The following RAMP1 variants were observed in gnomAD, a reference collection of about 807,000 sequenced individuals.
The protein encoded by RAMP1 is receptor activity-modifying protein 1.
RAMP1 carries 7 observed loss-of-function variants against 8.2 expected under a neutral mutation model. That is an observed-to-expected ratio of 0.85 (90% CI 0.49 to 1.60). RAMP1 has a LOEUF of 1.60. Among genes scored for constraint, RAMP1 ranks in the 40% most tolerant of loss-of-function variants. The pLI is 0.00. For synonymous variants in RAMP1, 92 were observed against 84.7 expected (o/e 1.09, Z -0.47); for missense variants, 192 against 202.4 (o/e 0.95, Z 0.31).
chr2:237,897,211 T>C (rs1385000553), intron 2 of RAMP1, among the ~76,000 whole-genome samples: 2 of 152,190 alleles, frequency 1.3e-5, no homozygotes, highest in African/African-American at 4.8e-5. Context: ...CCAGCTTCAC[T>C]TCAGGCCAGG....
intron 2 of RAMP1, among the ~76,000 whole-genome samples, chr2:237,908,250 A>G (rs2062671758): frequency 1.3e-5 from 2 of 152,084 alleles, no homozygotes; most frequent in Admixed American, 6.6e-5. Flanking sequence ...GGTTATGTTC[A>G]AGGCTTGGGG....
At chr2:237,883,780 G>A (rs2062397640) in intron 2 of RAMP1, among the ~76,000 whole-genome samples, 1 of 142,738 alleles carries the variant, frequency 7.0e-6, no homozygotes, top group African/African-American at 2.6e-5. Flanking sequence ...GGTACCACTT[G>A]CACTCCAGCC....
In RAMP1 at chr2:237,874,668, G is replaced by C. The variant is rs910449331; in HGVS notation, c.53-2556G>C. The C allele has an allele frequency of 3.2e-5, 32 of 985,230 alleles. No homozygotes were observed. In the South Asian group the frequency reaches 1.4e-3, roughly 42 times the overall value. The allele number at this position is 985,230 out of a possible 1,614,324, so 61.0% of individuals were successfully genotyped here. ...AGGCAGGATAGCCTGAGGCACGCTT[G>C]CTTCACTCCCAGGCAGAATGGCCAC... On this transcript the variant is annotated intron_variant, in intron 1 of 2. Coordinates refer to ENST00000254661, the MANE Select transcript of RAMP1 (RefSeq NM_005855.4).
At chr2:237,885,919 G>A (rs960953396) in intron 2 of RAMP1, among the ~76,000 whole-genome samples, 3 of 152,338 alleles carry the variant, frequency 2.0e-5, no homozygotes, top group South Asian at 4.1e-4. Flanking sequence ...GGCCAGCCCC[G>A]CGGGAGGCAG....
At position 237,862,551 on chromosome 2, in the gene RAMP1, C is replaced by T. The variant is rs1207432310; in HGVS notation, c.52+2824C>T. Among the ~76,000 whole-genome samples, 2 of 152,176 alleles carry T rather than the reference C, an allele frequency of 1.3e-5. No homozygotes were observed. The highest frequency in any genetic ancestry group is 2.1e-4 in the South Asian group (1 of 4,832). ...TGTCCTGATTTTTTTCCCCAGAATGCGCCCATTTCATAGCTTCTAATCAGT... is the reference window on the plus strand; with the variant it reads ...TGTCCTGATTTTTTTCCCCAGAATGTGCCCATTTCATAGCTTCTAATCAGT... On this transcript the variant is annotated intron_variant, in intron 1 of 2. Coordinates refer to ENST00000254661, the MANE Select transcript of RAMP1 (RefSeq NM_005855.4). This position sits in a 1 kb window ranked among gnomAD's most constrained non-coding sequence, Gnocchi z 4.0.
rs2062112154 is a variant in RAMP1 at position 237,859,637 on chromosome 2, C to A, written c.-39C>A. On this transcript the variant is annotated 5_prime_UTR_variant, in exon 1 of 3. Coordinates refer to ENST00000254661, the MANE Select transcript of RAMP1 (RefSeq NM_005855.4). The stretch of plus-strand genomic sequence containing the variant: ...GCGGCGGGCTCAGTCCTCAGCGGGG[C>A]GCGTGGCGAGCGGACTCGACTCGGC... 1.4e-6 allele frequency: 2 copies of A among 1,414,010 alleles called. No homozygotes were observed. The highest frequency in any genetic ancestry group is 3.0e-5 in the African/African-American group (2 of 67,118). 87.6% of individuals were successfully genotyped at this position (1,414,010 alleles called of 1,614,324 possible). A position where few individuals can be genotyped will look rare whatever the true frequency, so the allele number is the denominator to read the frequency against.
chr2:237,876,797 C>T (rs145748534), intron 1 of RAMP1, among the ~76,000 whole-genome samples: 56 of 152,272 alleles, frequency 3.7e-4, no homozygotes, highest in African/African-American at 1.3e-3. Context: ...TTTGTCAGCT[C>T]GGTTCATAGC....
intron 1 of RAMP1, among the ~76,000 whole-genome samples, chr2:237,870,670 G>A (rs1332152856): frequency 5.3e-5 from 8 of 152,236 alleles, no homozygotes; most frequent in Non-Finnish European, 1.2e-4. Flanking sequence ...GGTTGACAAT[G>A]TGTAGAGTTT....
chr2:237,886,925 C>T (rs942173024), intron 2 of RAMP1, among the ~76,000 whole-genome samples: 2 of 152,208 alleles, frequency 1.3e-5, no homozygotes, highest in Admixed American at 6.5e-5. Context: ...CATCCACCCC[C>T]GCCTCCCCTG....
Position 237,904,312 on chromosome 2 carries a change from G to A in RAMP1, c.192-7216G>A, listed in dbSNP as rs570824320. On this transcript the variant is annotated intron_variant, in intron 2 of 2. Coordinates refer to ENST00000254661, the MANE Select transcript of RAMP1 (RefSeq NM_005855.4). Reference sequence around the variant, plus strand: ...CGGGCACCTGTAGTCCCAGCTACTCGGGAGGCTGAGGCAGGAGAATGGCAT... The same window carrying A: ...CGGGCACCTGTAGTCCCAGCTACTCAGGAGGCTGAGGCAGGAGAATGGCAT... 6.6e-5 allele frequency among the ~76,000 whole-genome samples: 10 copies of A among 151,874 alleles called. No homozygotes were observed. In the East Asian group the frequency reaches 1.5e-3, roughly 24 times the overall value.
chr2:237,866,547 A>C (rs548820011), intron 1 of RAMP1, among the ~76,000 whole-genome samples: 1 of 152,042 alleles, frequency 6.6e-6, no homozygotes, highest in Non-Finnish European at 1.5e-5. Context: ...ATGGCAATAC[A>C]AGTGACCCTT....
chr2:237,908,335 C>T (rs2062673290), intron 2 of RAMP1, among the ~76,000 whole-genome samples: 1 of 152,036 alleles, frequency 6.6e-6, no homozygotes, highest in Non-Finnish European at 1.5e-5. Context: ...GCATTCCTAC[C>T]CCTCTTCCCT....
At chr2:237,860,625 G>T (rs1420341732) in intron 1 of RAMP1, among the ~76,000 whole-genome samples, 4 of 152,250 alleles carry the variant, frequency 2.6e-5, no homozygotes, top group Non-Finnish European at 5.9e-5. Flanking sequence ...ACTGTGAATA[G>T]GTTACTGGCG....
chr2:237,872,611 G>C (rs73090611), intron 1 of RAMP1, among the ~76,000 whole-genome samples: 17,763 of 152,252 alleles, frequency 0.12, 1,094 homozygotes, highest in Middle Eastern at 0.22. Flanking sequence ...CGTGTTCTGA[G>C]ATGAGCGTGC....
At chr2:237,887,684 A>G (rs185298509) in intron 2 of RAMP1, among the ~76,000 whole-genome samples, 41 of 152,332 alleles carry the variant, frequency 2.7e-4, no homozygotes, top group Admixed American at 6.5e-4. Context: ...CACACCTGCA[A>G]TCCCAGCACT....
At chr2:237,894,603 A>AC (rs940450297) in intron 2 of RAMP1, among the ~76,000 whole-genome samples, 1 of 151,822 alleles carries the variant, frequency 6.6e-6, no homozygotes, top group Non-Finnish European at 1.5e-5. Context: ...AGGGGGTGAG[A>AC]CCCCCCTGCC....
Position 237,878,856 on chromosome 2 carries a change from G to T in RAMP1, c.191+1494G>T, listed in dbSNP as rs775277619. 3.5e-4 allele frequency among the ~76,000 whole-genome samples: 54 copies of T among 152,252 alleles called. No homozygotes were observed. Among genetic ancestry groups the T allele is most frequent in the Admixed American group, 9.2e-4 (14 of 15,292 alleles). On this transcript the variant is annotated intron_variant, in intron 2 of 2. Transcript: ENST00000254661. This position sits in a 1 kb window ranked among gnomAD's most constrained non-coding sequence, Gnocchi z 5.7. ...ACCCTCTGCTCCAGTTCAGGTGGGA[G>T]AGTTGGTGCTCCCGAAGGTGGGAGG... is the stretch of plus-strand genomic sequence containing the variant.
chr2:237,876,597 G>A (rs1000155108), intron 1 of RAMP1, among the ~76,000 whole-genome samples: 27 of 152,206 alleles, frequency 1.8e-4, no homozygotes, highest in African/African-American at 6.5e-4. Context: ...AGCCTGAGGA[G>A]GAAGAAGAAG....
chr2:237,862,477 C>T lies in RAMP1; in HGVS notation c.52+2750C>T, dbSNP rs928703253. ...ACAGTGCAAATGGTAGATTCAGCTCCGGGAAATGTTTTAGGTGGAATCTTT... is the reference window on the plus strand; with the variant it reads ...ACAGTGCAAATGGTAGATTCAGCTCTGGGAAATGTTTTAGGTGGAATCTTT... On this transcript the variant is annotated intron_variant, in intron 1 of 2. Coordinates refer to ENST00000254661, the MANE Select transcript of RAMP1 (RefSeq NM_005855.4). This position sits in a 1 kb window ranked among gnomAD's most constrained non-coding sequence, Gnocchi z 4.0. 4.6e-5 allele frequency among the ~76,000 whole-genome samples: 7 copies of T among 152,184 alleles called. No individual in the cohort carries two copies. Among genetic ancestry groups the T allele is most frequent in the Admixed American group, 1.3e-4 (2 of 15,284 alleles).
Sources: allele counts gnomAD v4.1 joint callset (sites outside exome capture counted in the v4.1 genomes callset), GRCh38; gene constraint gnomAD v4.1.1; non-coding constraint Gnocchi (gnomAD v3.1); transcripts MANE v1.5; gene names NCBI Gene and HGNC (gene_info 2026-07-23, HGNC 2026-07-21).